The following ELAPOR2 variants were observed in gnomAD, a reference collection of about 807,000 sequenced individuals.
ELAPOR2 encodes the protein endosome-lysosome associated apoptosis and autophagy regulator family member 2, also known as endosome/lysosome-associated apoptosis and autophagy regulator family member 2.
In ELAPOR2, 89 loss-of-function variants were observed where a neutral mutation model predicts 120.7. The observed-to-expected ratio is 0.74, with a 90% CI of 0.62 to 0.88. ELAPOR2 has a LOEUF of 0.88. ELAPOR2 is among the 40% of genes least tolerant of loss of function. ELAPOR2 has a pLI of 0.00. For synonymous variants in ELAPOR2, 444 were observed against 444.9 expected, an observed-to-expected ratio of 1.00 and a Z score of 0.03; for missense variants, 1,134 against 1,251.6, an observed-to-expected ratio of 0.91 and a Z score of 1.42.
chr7:86,967,802 G>T (rs1791966139), intron 1 of ELAPOR2, among the ~76,000 whole-genome samples: 1 of 152,094 alleles, frequency 6.6e-6, no homozygotes, highest in Non-Finnish European at 1.5e-5. Flanking sequence ...ATTACTCAAG[G>T]ACTCTAATTA....
intron 21 of ELAPOR2, among the ~76,000 whole-genome samples, chr7:86,883,346 C>G (rs1408303526): frequency 1.3e-5 from 2 of 152,058 alleles, no homozygotes; most frequent in East Asian, 3.9e-4. Flanking sequence ...ATAAAGCAAA[C>G]CCTATATGAC....
chr7:87,037,414 C>T (rs538209502), intron 1 of ELAPOR2, among the ~76,000 whole-genome samples: 2 of 151,728 alleles, frequency 1.3e-5, no homozygotes, highest in Non-Finnish European at 2.9e-5. Flanking sequence ...ACAGCAGCAT[C>T]TACTCAGACC....
intron 1 of ELAPOR2, among the ~76,000 whole-genome samples, chr7:86,996,913 G>C (rs1793143602): frequency 6.6e-6 from 1 of 152,168 alleles, no homozygotes; most frequent in African/African-American, 2.4e-5. Flanking sequence ...TAAGTCAGAA[G>C]TTTTGATTGA....
At chr7:87,044,468 C>T (rs1794882333) in intron 1 of ELAPOR2, among the ~76,000 whole-genome samples, 1 of 122,000 alleles carries the variant, frequency 8.2e-6, no homozygotes, top group Non-Finnish European at 1.7e-5. Context: ...CTACAACTAT[C>T]TGATCTTTGA....
intron 2 of ELAPOR2, among the ~76,000 whole-genome samples, chr7:86,964,263 AT>A (rs2116479585): frequency 6.6e-6 from 1 of 152,214 alleles, no homozygotes; most frequent in African/African-American, 2.4e-5. Flanking sequence ...TAAATTAACG[AT>A]TTTAAAAAGT....
chr7:86,939,512 C>A (rs1371001213), intron 6 of ELAPOR2, among the ~76,000 whole-genome samples: 1 of 152,064 alleles, frequency 6.6e-6, no homozygotes, highest in Non-Finnish European at 1.5e-5. Context: ...GAAAAATACT[C>A]CTAATTGAGA....
intron 1 of ELAPOR2, among the ~76,000 whole-genome samples, chr7:86,993,794 C>T (rs1451716647): frequency 6.6e-6 from 1 of 152,190 alleles, no homozygotes; most frequent in African/African-American, 2.4e-5. Flanking sequence ...TCCAGACAAA[C>T]TAGTTTAATT....
chr7:86,922,871 A>T (rs1789890845), intron 10 of ELAPOR2, among the ~76,000 whole-genome samples: 1 of 151,956 alleles, frequency 6.6e-6, no homozygotes. Flanking sequence ...TCAAATGAAT[A>T]TATTTTTAAA....
chr7:87,009,929 T>C (rs952600333), intron 1 of ELAPOR2, among the ~76,000 whole-genome samples: 83 of 152,320 alleles, frequency 5.4e-4, no homozygotes, highest in South Asian at 1.9e-3. Context: ...AAAATCTGTA[T>C]ATAAAATTCT....
intron 18 of ELAPOR2, among the ~76,000 whole-genome samples, chr7:86,898,528 T>C (rs1193359993): frequency 1.3e-5 from 2 of 149,178 alleles, no homozygotes; most frequent in African/African-American, 5.0e-5. Context: ...TAAAGGTTTT[T>C]GTTTTTAATT....
At chr7:86,906,707 A>C (rs1356517481) in intron 18 of ELAPOR2, among the ~76,000 whole-genome samples, 4 of 152,082 alleles carry the variant, frequency 2.6e-5, no homozygotes, top group Non-Finnish European at 5.9e-5. Flanking sequence ...CTATGATCCA[A>C]AGGTATCTTA....
intron 1 of ELAPOR2, among the ~76,000 whole-genome samples, chr7:87,049,574 T>C (rs1362007932): frequency 6.6e-6 from 1 of 151,994 alleles, no homozygotes; most frequent in East Asian, 1.9e-4. Context: ...CTGGCCGGGA[T>C]TGCAATTTTA....
At chr7:87,053,512 C>G (rs564057060) in intron 1 of ELAPOR2, among the ~76,000 whole-genome samples, 27 of 152,190 alleles carry the variant, frequency 1.8e-4, no homozygotes, top group African/African-American at 6.5e-4. Context: ...CAGACCTGTG[C>G]CAGGACATAT....
chr7:86,987,344 A>C (rs1181814423), intron 1 of ELAPOR2, among the ~76,000 whole-genome samples: 3 of 152,186 alleles, frequency 2.0e-5, no homozygotes, highest in Non-Finnish European at 4.4e-5. Context: ...AAATAGACAA[A>C]TGAGATCTAA....
chr7:86,979,393 C>A (rs921109525), intron 1 of ELAPOR2, among the ~76,000 whole-genome samples: 33 of 152,110 alleles, frequency 2.2e-4, no homozygotes, highest in Non-Finnish European at 4.1e-4. Flanking sequence ...TAAGTGTAAC[C>A]TAGTAGAACA....
chr7:87,037,746 C>T (rs1794634698), intron 1 of ELAPOR2, among the ~76,000 whole-genome samples: 1 of 152,218 alleles, frequency 6.6e-6, no homozygotes, highest in African/African-American at 2.4e-5. Flanking sequence ...ACCCACGTGC[C>T]CTTCAAGTTG....
intron 2 of ELAPOR2, among the ~76,000 whole-genome samples, chr7:86,951,374 G>A (rs1791237194): frequency 6.6e-6 from 1 of 152,166 alleles, no homozygotes; most frequent in Non-Finnish European, 1.5e-5. Context: ...ATGATATGTT[G>A]TTATAAAGAA....
intron 1 of ELAPOR2, among the ~76,000 whole-genome samples, chr7:87,054,877 A>T (rs1443970753): frequency 6.6e-6 from 1 of 152,122 alleles, no homozygotes; most frequent in Non-Finnish European, 1.5e-5. Flanking sequence ...CGGGCAACTG[A>T]CACACAATGA....
At chr7:86,926,318 T>C (rs946095056) in intron 9 of ELAPOR2, among the ~76,000 whole-genome samples, 3 of 151,700 alleles carry the variant, frequency 2.0e-5, no homozygotes, top group Non-Finnish European at 4.4e-5. Context: ...TTCACAAACA[T>C]TTATACCTGC....
Sources: gnomAD v4.1 joint callset for allele counts (sites outside exome capture counted in the v4.1 genomes callset) on GRCh38, gnomAD v4.1.1 for gene constraint, MANE v1.5 for transcripts, NCBI Gene and HGNC (gene_info 2026-07-23, HGNC 2026-07-21) for gene names.